IFT27: variants seen among roughly 807,000 people sequenced by gnomAD.
The protein encoded by IFT27 is intraflagellar transport 27, also known as intraflagellar transport protein 27 homolog.
Under a neutral mutation model 23.9 loss-of-function variants are expected in IFT27, and 19 were observed. That is an observed-to-expected ratio of 0.79 (90% confidence interval 0.55 to 1.16). IFT27 has a LOEUF of 1.16. Ranked by LOEUF, IFT27 falls within the 50% of genes most tolerant of loss-of-function variation. The pLI, the probability that IFT27 is intolerant of heterozygous loss-of-function variation, is 0.00. For synonymous variants in IFT27, 91 were observed against 89.1 expected, an observed-to-expected ratio of 1.02 and a Z score of -0.12; for missense variants, 206 against 228.7, an observed-to-expected ratio of 0.90 and a Z score of 0.64.
At chr22:36,771,594 C>T (rs907311540) in intron 1 of IFT27, among the ~76,000 whole-genome samples, 4 of 152,114 alleles carry the variant, frequency 2.6e-5, no homozygotes, top group East Asian at 1.9e-4. Context: ...CTCAGGGGTC[C>T]GGATCCCAGC....
intron 1 of IFT27, chr22:36,768,675 G>C (rs1477511627): frequency 6.5e-6 from 1 of 152,804 alleles, no homozygotes; most frequent in Non-Finnish European, 1.5e-5. Flanking sequence ...CGCTCCTCCC[G>C]TGCCCGTCAC....
chr22:36,758,446 T>C, intron 6 of IFT27, 37 bp from the exon 7 acceptor site: 1 of 1,527,898 alleles, frequency 6.5e-7, no homozygotes, highest in Non-Finnish European at 9.1e-7. Context: ...TGTGTTCTTT[T>C]AGAAGGGTCA....
chr22:36,763,944 T>G lies in IFT27; in HGVS notation c.327A>C (p.Ser109=). The G allele has an allele frequency of 6.2e-7, 1 of 1,613,686 alleles. No homozygotes were observed. Among genetic ancestry groups the G allele is most frequent in the Non-Finnish European group, 8.5e-7 (1 of 1,179,540 alleles). ...CTGGGAGAGAGATGCCTGGAGCCTG[T>G]GACCGAGCCTTCTCCAGCCACTTGC... ...NCSKWLEKAR[S]QAPGISLPGV... Residue 109 remains serine (S), a synonymous_variant, in exon 5 of 7, where the codon TCA becomes TCC. Coordinates refer to ENST00000433985, the MANE Select transcript of IFT27 (RefSeq NM_001177701.3).
chr22:36,767,936 T>C, intron 1 of IFT27, 74 bp from the exon 2 acceptor site: 1 of 1,359,098 alleles, frequency 7.4e-7, no homozygotes, highest in Non-Finnish European at 1.1e-6. Context: ...TGCAGAACAT[T>C]AGTCTAGAAA....
intron 1 of IFT27, among the ~76,000 whole-genome samples, chr22:36,769,844 T>C (rs945706285): frequency 1.6e-4 from 24 of 152,208 alleles, no homozygotes; most frequent in South Asian, 6.2e-4. Context: ...TGGCTCCTCC[T>C]GCTTATGAGA....
chr22:36,770,139 G>A (rs959804039), intron 1 of IFT27, among the ~76,000 whole-genome samples: 6 of 152,190 alleles, frequency 3.9e-5, no homozygotes, highest in East Asian at 1.9e-4. Flanking sequence ...GCCTGGGGGC[G>A]ACAGCAGGCA....
At chr22:36,767,459 T>C (rs184402234) in intron 2 of IFT27, 94 bp from the exon 3 acceptor site, 86 of 1,109,016 alleles carry the variant, frequency 7.8e-5, no homozygotes, top group Admixed American at 1.8e-4. Flanking sequence ...CCAGGAGGGC[T>C]ATCTCCAGTG....
chr22:36,767,736 G>A (rs764044981), intron 2 of IFT27, 47 bp downstream of exon 2: 13 of 1,510,110 alleles, frequency 8.6e-6, no homozygotes, highest in South Asian at 4.5e-5. Flanking sequence ...ATGGTGAACC[G>A]AGCACTTCTC....
At position 36,775,713 on chromosome 22, in the gene IFT27, C is replaced by T. The variant is rs117576168; in HGVS notation, c.-6G>A. 3.1e-4 allele frequency: 506 copies of T among 1,614,100 alleles called. 3 individuals are homozygous for T. In the East Asian group the frequency reaches 0.011, roughly 35 times the overall value. On this transcript the variant is annotated 5_prime_UTR_variant, in exon 1 of 7. Transcript: ENST00000433985. ...TTGGCTGCCAGCTTCACCATGGTAA[C>T]CAACACTCCCGCGAGCCGTACCCAG...
intron 3 of IFT27, among the ~76,000 whole-genome samples, chr22:36,766,779 C>T (rs990600750): frequency 2.0e-5 from 3 of 152,096 alleles, no homozygotes; most frequent in Non-Finnish European, 2.9e-5. Flanking sequence ...AATCACCCCT[C>T]GGCTCCCCCA....
Position 36,763,930 on chromosome 22 carries a change from A to C in IFT27, c.341T>G (p.Ile114Ser), listed in dbSNP as rs779154592. 8 of 1,611,662 alleles carry C rather than the reference A, an allele frequency of 5.0e-6. No individual in the cohort carries two copies. The highest frequency in any genetic ancestry group is 5.1e-6 in the Non-Finnish European group (6 of 1,177,708). Residue 114 changes from isoleucine to serine, a missense_variant, in exon 5 of 7, where the codon ATC becomes AGC. Ile to Ser is a moderately radical substitution (Grantham distance 142). Coordinates refer to ENST00000433985, the MANE Select transcript of IFT27 (RefSeq NM_001177701.3). ...TCTGCAGCCCGTACCTGGGAGAGAG[A>C]TGCCTGGAGCCTGTGACCGAGCCTT... ...LEKARSQAPG[I>S]SLPGVLVGNK...
At chr22:36,767,164 T>G in intron 3 of IFT27, 142 bp downstream of exon 3, 1 of 620,422 alleles carries the variant, frequency 1.6e-6, no homozygotes, top group Admixed American at 2.5e-5. Flanking sequence ...CTTGAATGCT[T>G]CCCGATTCTA....
At chr22:36,771,659 T>C (rs1223302367) in intron 1 of IFT27, among the ~76,000 whole-genome samples, 1 of 152,244 alleles carries the variant, frequency 6.6e-6, no homozygotes, top group Non-Finnish European at 1.5e-5. Context: ...CCAATCTGTG[T>C]CAACTCAATG....
At chr22:36,766,258 G>T in intron 3 of IFT27, 61 bp from the exon 4 acceptor site, 1 of 1,393,702 alleles carries the variant, frequency 7.2e-7, no homozygotes, top group Non-Finnish European at 1.0e-6. Context: ...CGAGTCACTG[G>T]TATCACTCTC....
chr22:36,767,282 C>T (rs770658859), intron 3 of IFT27, 24 bp downstream of exon 3: 18 of 1,606,838 alleles, frequency 1.1e-5, no homozygotes, highest in Non-Finnish European at 1.4e-5. Context: ...GCCCTGAGTT[C>T]CCCTGGGTAA....
intron 4 of IFT27, 55 bp from the exon 5 acceptor site, chr22:36,764,091 G>T: frequency 1.5e-6 from 2 of 1,325,464 alleles, no homozygotes; most frequent in Non-Finnish European, 1.1e-6. Context: ...GTGACTTCAA[G>T]GCTGGGAGAC....
At chr22:36,763,068 C>A in intron 5 of IFT27, 55 bp from the exon 6 acceptor site, 1 of 1,339,660 alleles carries the variant, frequency 7.5e-7, no homozygotes, top group Non-Finnish European at 1.0e-6. Flanking sequence ...TCTGGAAGGA[C>A]AGCGGGCGAG....
chr22:36,773,677 G>C (rs1447834527), intron 1 of IFT27, among the ~76,000 whole-genome samples: 1 of 119,404 alleles, frequency 8.4e-6, no homozygotes, highest in South Asian at 2.6e-4. Flanking sequence ...AAAAAAAATA[G>C]AAGGACACAG....
chr22:36,771,808 G>A (rs191574089), intron 1 of IFT27, among the ~76,000 whole-genome samples: 8 of 151,726 alleles, frequency 5.3e-5, no homozygotes, highest in South Asian at 2.1e-4. Flanking sequence ...TTTTTCTCCC[G>A]GCTGTTATCC....
Sources: gnomAD v4.1 joint callset for allele counts (sites outside exome capture counted in the v4.1 genomes callset) on GRCh38, gnomAD v4.1.1 for gene constraint, MANE v1.5 for transcripts, NCBI Gene and HGNC (gene_info 2026-07-23, HGNC 2026-07-21) for gene names.